The following NPAS3 variants were observed in gnomAD, a reference collection of about 807,000 sequenced individuals.
NPAS3 encodes neuronal PAS domain protein 3.
A neutral mutation model predicts 73.1 loss-of-function variants in NPAS3; 14 were observed. The ratio of observed to expected loss-of-function variants is 0.19; its 90% CI spans 0.13 to 0.30. NPAS3 has a LOEUF of 0.30. Among genes scored for constraint, NPAS3 ranks in the 10% least tolerant of loss-of-function variants. The pLI, the probability that NPAS3 is intolerant of heterozygous loss-of-function variation, is 1.00. For missense variants in NPAS3, 1,096 were observed against 1,250.0 expected (o/e 0.88, Z 1.86); for synonymous variants, 620 against 541.5 (o/e 1.14, Z -2.01).
At chr14:33,062,278 A>G (rs779190443) in intron 2 of NPAS3, among the ~76,000 whole-genome samples, 30 of 150,468 alleles carry the variant, frequency 2.0e-4, no homozygotes, top group Admixed American at 6.6e-4. Flanking sequence ...TCATTGTTCA[A>G]TTCCCACCTA....
At chr14:33,025,747 C>G (rs2039779030) in intron 1 of NPAS3, among the ~76,000 whole-genome samples, 2 of 152,126 alleles carry the variant, frequency 1.3e-5, no homozygotes, top group African/African-American at 4.8e-5. Context: ...TTTCTCTCTC[C>G]TGCTAGCCAT....
intron 9 of NPAS3, among the ~76,000 whole-genome samples, chr14:33,789,791 G>A (rs934641073): frequency 5.7e-4 from 86 of 150,832 alleles, no homozygotes; most frequent in African/African-American, 2.0e-3. Context: ...GGGTTTCACC[G>A]TTTTAGCCGG....
intron 3 of NPAS3, among the ~76,000 whole-genome samples, chr14:33,218,331 G>A (rs1477877214): frequency 6.6e-6 from 1 of 152,126 alleles, no homozygotes; most frequent in African/African-American, 2.4e-5. Context: ...CTCAAAAGTA[G>A]CTAGAAATAT....
chr14:33,735,856 G>A (rs1020312733), intron 7 of NPAS3, among the ~76,000 whole-genome samples: 1 of 151,872 alleles, frequency 6.6e-6, no homozygotes, highest in Admixed American at 6.6e-5. Context: ...TCACACCTTA[G>A]CATTCATAGA....
intron 1 of NPAS3, among the ~76,000 whole-genome samples, chr14:32,992,244 G>C (rs575876136): frequency 5.9e-5 from 9 of 152,270 alleles, no homozygotes; most frequent in Non-Finnish European, 1.2e-4. Context: ...TCATTTTCTA[G>C]GTGGTACCTG....
At chr14:33,328,446 C>CTTTTTTTGTTTTTTTT (rs2043812561) in intron 3 of NPAS3, among the ~76,000 whole-genome samples, 1 of 49,584 alleles carries the variant, frequency 2.0e-5, no homozygotes, top group Non-Finnish European at 3.7e-5. Flanking sequence ...CTTTTCTTTT[C>CTTTTTTTGTTTTTTTT]TTTTTTTTTT....
chr14:33,550,525 G>A (rs1395458475), intron 4 of NPAS3, among the ~76,000 whole-genome samples: 2 of 152,192 alleles, frequency 1.3e-5, no homozygotes, highest in Non-Finnish European at 2.9e-5. Context: ...TGGCACATGG[G>A]GATAAAAGCA....
At chr14:33,361,020 A>T (rs2045576094) in intron 3 of NPAS3, among the ~76,000 whole-genome samples, 1 of 152,188 alleles carries the variant, frequency 6.6e-6, no homozygotes, top group Non-Finnish European at 1.5e-5. Flanking sequence ...CTCACGAAGA[A>T]TGTTAATCAC....
intron 2 of NPAS3, 62 bp from the exon 3 acceptor site, chr14:33,215,120 G>A (rs1336986309): frequency 2.0e-6 from 3 of 1,520,508 alleles, no homozygotes; most frequent in Admixed American, 1.9e-5. Context: ...AAAGAAAGCA[G>A]TATTTGAATG....
At chr14:33,225,756 G>C (rs1456419863) in intron 3 of NPAS3, among the ~76,000 whole-genome samples, 4 of 152,138 alleles carry the variant, frequency 2.6e-5, no homozygotes, top group East Asian at 1.9e-4. Context: ...TGGCAGGCTA[G>C]ATTAGACCTG....
intron 5 of NPAS3, among the ~76,000 whole-genome samples, chr14:33,565,698 A>G: frequency 6.6e-6 from 1 of 152,180 alleles, no homozygotes; most frequent in South Asian, 2.1e-4. Flanking sequence ...AAAGAGCTGG[A>G]ATATAAAGAC....
At chr14:33,567,024 A>G (rs2055987324) in intron 5 of NPAS3, among the ~76,000 whole-genome samples, 1 of 152,108 alleles carries the variant, frequency 6.6e-6, no homozygotes, top group Non-Finnish European at 1.5e-5. Context: ...AATAATCGAC[A>G]ATTTTTTTAC....
At chr14:33,102,057 C>G (rs1360198460) in intron 2 of NPAS3, among the ~76,000 whole-genome samples, 1 of 152,118 alleles carries the variant, frequency 6.6e-6, no homozygotes, top group Non-Finnish European at 1.5e-5. Context: ...GACCTCTGTT[C>G]CCACTACCAT....
At chr14:33,133,482 G>A (rs879278461) in intron 2 of NPAS3, among the ~76,000 whole-genome samples, 9 of 152,288 alleles carry the variant, frequency 5.9e-5, no homozygotes, top group Non-Finnish European at 8.8e-5. Context: ...GAAGGCATTG[G>A]TTAAGCCAAC....
intron 2 of NPAS3, among the ~76,000 whole-genome samples, chr14:33,156,071 C>T (rs541196289): frequency 1.3e-5 from 2 of 152,106 alleles, no homozygotes; most frequent in South Asian, 4.2e-4. Flanking sequence ...AGTCTATGCA[C>T]TGAAAATAAT....
intron 3 of NPAS3, among the ~76,000 whole-genome samples, chr14:33,234,445 C>T (rs1375531845): frequency 1.3e-5 from 2 of 152,114 alleles, no homozygotes; most frequent in Non-Finnish European, 2.9e-5. Flanking sequence ...TGTATCTCTT[C>T]TAGATGCATT....
At chr14:33,677,100 A>G (rs2059791018) in intron 6 of NPAS3, among the ~76,000 whole-genome samples, 1 of 152,200 alleles carries the variant, frequency 6.6e-6, no homozygotes, top group Non-Finnish European at 1.5e-5. Flanking sequence ...CTTGATATCC[A>G]TCAGTCCCCT....
intron 2 of NPAS3, among the ~76,000 whole-genome samples, chr14:33,136,937 A>G (rs889051161): frequency 1.3e-5 from 2 of 152,210 alleles, no homozygotes; most frequent in African/African-American, 4.8e-5. Context: ...TTAAATTTAT[A>G]GAAATTTCAC....
intron 2 of NPAS3, among the ~76,000 whole-genome samples, chr14:33,069,149 G>A (rs557921489): frequency 3.9e-5 from 6 of 152,288 alleles, no homozygotes; most frequent in Admixed American, 6.5e-5. Context: ...GTACCAAGAC[G>A]AAGTGGATAA....
Sources: gnomAD v4.1 joint callset for allele counts (sites outside exome capture counted in the v4.1 genomes callset) on GRCh38, gnomAD v4.1.1 for gene constraint, MANE v1.5 for transcripts, NCBI Gene and HGNC (gene_info 2026-07-23, HGNC 2026-07-21) for gene names.